The following COL5A1 variants were observed in gnomAD, a reference collection of about 807,000 sequenced individuals.
The protein encoded by COL5A1 is collagen alpha-1(V) chain.
In COL5A1, 16 loss-of-function variants were observed where a neutral mutation model predicts 263.7. The ratio of observed to expected loss-of-function variants is 0.06; its 90% confidence interval spans 0.04 to 0.09. The LOEUF is 0.09. Ranked by LOEUF, COL5A1 falls within the 10% of genes least tolerant of loss-of-function variation. The pLI, the probability that COL5A1 is intolerant of heterozygous loss-of-function variation, is 1.00. For missense variants in COL5A1, 2,036 were observed against 2,540.5 expected (o/e 0.80, Z 4.27); for synonymous variants, 1,012 against 1,004.5 (o/e 1.01, Z -0.14).
chr9:134,723,021 G>A (rs1185152638), intron 4 of COL5A1, among the ~76,000 whole-genome samples: 1 of 152,220 alleles, frequency 6.6e-6, no homozygotes, highest in Non-Finnish European at 1.5e-5. Context: ...GGGGCAGGGG[G>A]CAGCAGCAGG....
chr9:134,795,612 C>T (rs776026441), intron 34 of COL5A1, among the ~76,000 whole-genome samples: 3 of 152,148 alleles, frequency 2.0e-5, no homozygotes, highest in African/African-American at 4.8e-5. Flanking sequence ...CCAGGCCCAC[C>T]GCAGACTCAC....
chr9:134,831,562 A>G (rs183710016), intron 64 of COL5A1, among the ~76,000 whole-genome samples: 49 of 152,272 alleles, frequency 3.2e-4, no homozygotes, highest in Middle Eastern at 3.4e-3. Context: ...GATGTGTGGG[A>G]TCAGGCAAGG....
rs1056597180 is a variant in COL5A1 at position 134,686,896 on chromosome 9, T to C, written c.110-4016T>C. ...GTCCCATAGGTGGTTCCAGGGAGGC[T>C]CCTGGTTTCAGTGCACACAGCTGAT... On this transcript the variant is annotated intron_variant, in intron 1 of 65. Coordinates refer to ENST00000371817, the MANE Select transcript of COL5A1 (RefSeq NM_000093.5). This position sits in a 1 kb window ranked among gnomAD's most constrained non-coding sequence, Gnocchi z 4.6. Among the ~76,000 whole-genome samples the C allele has an allele frequency of 2.0e-5, 3 of 152,070 alleles. No individual in the cohort carries two copies. Among genetic ancestry groups the C allele is most frequent in the African/African-American group, 7.2e-5 (3 of 41,404 alleles).
At chr9:134,796,310 C>A in intron 34 of COL5A1, 64 bp from the exon 35 acceptor site, 2 of 1,551,832 alleles carry the variant, frequency 1.3e-6, no homozygotes, top group Non-Finnish European at 1.8e-6. Flanking sequence ...ACGTTGTGGG[C>A]CAGAGTCTTT....
At chr9:134,760,909 G>A (rs1169390457) in intron 18 of COL5A1, among the ~76,000 whole-genome samples, 2 of 133,272 alleles carry the variant, frequency 1.5e-5, no homozygotes, top group East Asian at 2.4e-4. Context: ...ATACACACAT[G>A]CACACACACA....
At position 134,757,822 on chromosome 9, in the gene COL5A1, A is replaced by G. The variant is rs1588509713; in HGVS notation, c.1882-421A>G. Among the ~76,000 whole-genome samples the G allele has an allele frequency of 6.6e-6, 1 of 151,892 alleles. No individual in the cohort carries two copies. The highest frequency in any genetic ancestry group is 2.1e-4 in the South Asian group (1 of 4,818). On this transcript the variant is annotated intron_variant, in intron 17 of 65. Transcript: ENST00000371817. The surrounding 1 kb of genome is among the most constrained non-coding windows in gnomAD (Gnocchi z 6.2). The stretch of plus-strand genomic sequence containing the variant: ...GGCCCGTCCACCAATGGGTACGCGT[A>G]CCTCCTGAGCGCGGGCAGCCCCTCG...
chr9:134,738,923 T>C (rs1372727873), intron 11 of COL5A1, 115 bp downstream of exon 11: 10 of 838,308 alleles, frequency 1.2e-5, no homozygotes, highest in Non-Finnish European at 1.8e-5. Flanking sequence ...GAGGCTTGTG[T>C]CTTCAAATCC....
At chr9:134,803,163 A>G (rs1838174047) in intron 39 of COL5A1, among the ~76,000 whole-genome samples, 168 bp downstream of exon 39, 1 of 151,860 alleles carries the variant, frequency 6.6e-6, no homozygotes. Flanking sequence ...TCCTTGATTC[A>G]CTCCAGGAGT....
chr9:134,663,595 A>C (rs1438842169), intron 1 of COL5A1, among the ~76,000 whole-genome samples: 2 of 152,248 alleles, frequency 1.3e-5, no homozygotes, highest in Non-Finnish European at 1.5e-5. Context: ...GAAAACACCA[A>C]AAAGTATAAA....
At chr9:134,675,888 T>G (rs552228739) in intron 1 of COL5A1, among the ~76,000 whole-genome samples, 3 of 152,300 alleles carry the variant, frequency 2.0e-5, no homozygotes, top group Non-Finnish European at 4.4e-5. Context: ...CCTAGACTTG[T>G]GAGCCAGCAG....
intron 11 of COL5A1, among the ~76,000 whole-genome samples, chr9:134,749,612 T>G (rs903445728): frequency 6.6e-6 from 1 of 152,160 alleles, no homozygotes; most frequent in Non-Finnish European, 1.5e-5. Flanking sequence ...CTCACTCAGG[T>G]GGTGTGAACA....
intron 1 of COL5A1, among the ~76,000 whole-genome samples, chr9:134,667,585 G>A (rs1321213575): frequency 6.6e-6 from 1 of 152,250 alleles, no homozygotes; most frequent in East Asian, 1.9e-4. Flanking sequence ...TTGGTGTCCA[G>A]CAGCAGGGCC....
Position 134,718,985 on chromosome 9 carries a change from C to T in COL5A1, c.655-8281C>T, listed in dbSNP as rs866906246. On this transcript the variant is annotated intron_variant, in intron 4 of 65. Transcript: ENST00000371817. ...CAGTGTGAAACACCAGGGTCTTTCC[C>T]GAAGCATGCCGGGCACAGGCGGTGC... Among the ~76,000 whole-genome samples, 8 of 152,152 alleles carry T rather than the reference C, an allele frequency of 5.3e-5. No individual in the cohort carries two copies. In the South Asian group the frequency reaches 1.5e-3, roughly 28 times the overall value.
chr9:134,777,150 T>G (rs1226118840), intron 27 of COL5A1, among the ~76,000 whole-genome samples: 1 of 152,212 alleles, frequency 6.6e-6, no homozygotes, highest in African/African-American at 2.4e-5. Flanking sequence ...GGGGCACCTG[T>G]TTAAGCTTGA....
chr9:134,797,016 C>G (rs1043333844), intron 36 of COL5A1, 115 bp downstream of exon 36: 51 of 1,187,242 alleles, frequency 4.3e-5, no homozygotes, highest in Non-Finnish European at 6.1e-5. Context: ...TCACAGTGGC[C>G]GGTGGGTGGA....
chr9:134,806,436 A>G (rs957810131), intron 42 of COL5A1, 140 bp downstream of exon 42: 5 of 645,550 alleles, frequency 7.7e-6, no homozygotes, highest in African/African-American at 7.3e-5. Context: ...GCGGCCCTCT[A>G]GGACAGAGCG....
rs1166585064 is a variant in COL5A1 at position 134,680,247 on chromosome 9, G to A, written c.110-10665G>A. Among the ~76,000 whole-genome samples, 1 of 152,218 alleles carries A rather than the reference G, an allele frequency of 6.6e-6. No individual in the cohort carries two copies. Among genetic ancestry groups the A allele is most frequent in the Non-Finnish European group, 1.5e-5 (1 of 68,038 alleles). ...CCATCCAGGCGAAGGTTAACATAGA[G>A]CCTCCAGGCCCGGCTACAGGCCATT... is the stretch of plus-strand genomic sequence containing the variant. On this transcript the variant is annotated intron_variant, in intron 1 of 65. Coordinates refer to ENST00000371817, the MANE Select transcript of COL5A1 (RefSeq NM_000093.5). The surrounding 1 kb of genome is among the most constrained non-coding windows in gnomAD (Gnocchi z 5.9).
chr9:134,768,810 G>A (rs916516019), intron 25 of COL5A1, among the ~76,000 whole-genome samples: 5 of 152,264 alleles, frequency 3.3e-5, no homozygotes, highest in South Asian at 2.1e-4. Context: ...GGTTGGAAGC[G>A]AAGAGGCAGG....
rs1338869685 is a variant in COL5A1 at position 134,741,331 on chromosome 9, C to A, written c.1494+2523C>A. 6.6e-6 allele frequency among the ~76,000 whole-genome samples: 1 copy of A among 152,126 alleles called. No individual in the cohort carries two copies. The highest frequency in any genetic ancestry group is 2.4e-5 in the African/African-American group (1 of 41,420). ...CTTCTATGCACGGGGGCTTCGCAGACAAGAAGTAAAAACCAAAAAAAGTGC... is the reference window on the plus strand; with the variant it reads ...CTTCTATGCACGGGGGCTTCGCAGAAAAGAAGTAAAAACCAAAAAAAGTGC... On this transcript the variant is annotated intron_variant, in intron 11 of 65. Coordinates refer to ENST00000371817, the MANE Select transcript of COL5A1 (RefSeq NM_000093.5). This position sits in a 1 kb window ranked among gnomAD's most constrained non-coding sequence, Gnocchi z 4.5.
Sources: allele counts gnomAD v4.1 joint callset (sites outside exome capture counted in the v4.1 genomes callset), GRCh38; gene constraint gnomAD v4.1.1; non-coding constraint Gnocchi (gnomAD v3.1); transcripts MANE v1.5; gene names NCBI Gene and HGNC (gene_info 2026-07-23, HGNC 2026-07-21).